Variants in DOCK4 observed in about 807,000 individuals in gnomAD.
DOCK4 encodes the protein dedicator of cytokinesis 4, also known as dedicator of cytokinesis protein 4.
Under a neutral mutation model 268.1 loss-of-function variants are expected in DOCK4, and 97 were observed. The observed-to-expected ratio is 0.36, with a 90% CI of 0.31 to 0.43. DOCK4 has a LOEUF of 0.43. DOCK4 is among the 20% of genes least tolerant of loss of function. The pLI is 1.00. For synonymous variants in DOCK4, 954 were observed against 887.2 expected (o/e 1.08, Z -1.34); for missense variants, 2,145 against 2,455.7 (o/e 0.87, Z 2.67).
At chr7:111,908,122 T>C (rs891712640) in intron 13 of DOCK4, among the ~76,000 whole-genome samples, 2 of 152,164 alleles carry the variant, frequency 1.3e-5, no homozygotes, top group African/African-American at 4.8e-5. Flanking sequence ...TTCCATCTGT[T>C]GATGTGTATT....
chr7:112,131,633 C>T (rs571697721), intron 1 of DOCK4, among the ~76,000 whole-genome samples: 2 of 152,192 alleles, frequency 1.3e-5, no homozygotes, highest in East Asian at 3.9e-4. Flanking sequence ...GTGATACATA[C>T]ATTATTTATT....
At chr7:111,834,733 G>T in intron 25 of DOCK4, 47 bp from the exon 26 acceptor site, 1 of 1,304,718 alleles carries the variant, frequency 7.7e-7, no homozygotes, top group Non-Finnish European at 1.0e-6. Flanking sequence ...TAGTAAGGAC[G>T]TAAAAGAACA....
intron 8 of DOCK4, among the ~76,000 whole-genome samples, chr7:111,958,868 A>C (rs1796643708): frequency 6.6e-6 from 1 of 152,190 alleles, no homozygotes; most frequent in Non-Finnish European, 1.5e-5. Context: ...TTGTGTATTA[A>C]TTTAGATCCT....
chr7:111,728,427 T>C lies in DOCK4; in HGVS notation c.5775A>G (p.Leu1925=). 1 of 1,584,350 alleles carries C rather than the reference T, an allele frequency of 6.3e-7. No homozygotes were observed. The highest frequency in any genetic ancestry group is 8.6e-7 in the Non-Finnish European group (1 of 1,163,658). ...TGACGGGGATGGAGAGGCTGTGAGG[T>C]AGCGGGACGGGGCGCCGCAGAGTCC... ...YERTLRRPVP[L]PHSLSIPVTS... The change falls in exon 53 of 53, where the codon CTA becomes CTG. Residue 1925 remains leucine, a synonymous_variant. Coordinates refer to ENST00000428084, the MANE Select transcript of DOCK4 (RefSeq NM_001363540.2).
At chr7:111,746,495 G>A in intron 43 of DOCK4, 78 bp from the exon 44 acceptor site, 3 of 1,134,632 alleles carry the variant, frequency 2.6e-6, no homozygotes, top group South Asian at 2.8e-5. Context: ...TAAAGACCTG[G>A]CATCTTTATG....
intron 42 of DOCK4, among the ~76,000 whole-genome samples, chr7:111,747,761 T>A (rs1796369861): frequency 6.6e-6 from 1 of 152,210 alleles, no homozygotes; most frequent in African/African-American, 2.4e-5. Context: ...AAACTAGTTT[T>A]TTTTTTCTTT....
Position 111,735,184 on chromosome 7 carries a change from C to A in DOCK4, c.5306-17G>T. 1 of 1,509,008 alleles carries A rather than the reference C, an allele frequency of 6.6e-7. No homozygotes were observed. The highest frequency in any genetic ancestry group is 9.0e-7 in the Non-Finnish European group (1 of 1,112,496). 93.5% of individuals were successfully genotyped at this position (1,509,008 alleles called of 1,614,324 possible). On this transcript the variant is annotated splice_polypyrimidine_tract_variant and intron_variant, in intron 50 of 52. Coordinates refer to ENST00000428084, the MANE Select transcript of DOCK4 (RefSeq NM_001363540.2). Reference sequence around the variant, plus strand: ...GGTTCACAGCTGGAAGGGAATAACACAGCTAAAAACACACGGTCCAGCTTT... The same window carrying A: ...GGTTCACAGCTGGAAGGGAATAACAAAGCTAAAAACACACGGTCCAGCTTT...
Position 112,043,249 on chromosome 7 carries a change from A to C in DOCK4, c.38-39118T>G, listed in dbSNP as rs536998111. 2.1e-4 allele frequency among the ~76,000 whole-genome samples: 32 copies of C among 150,804 alleles called. 1 individual carries two copies. In the South Asian group the frequency reaches 4.6e-3, roughly 22 times the overall value. ...TAAATCTCCTTTATAAAAAAAAAAAACTTAATCAATAATCTCATTATTCTC... is the reference window on the plus strand; with the variant it reads ...TAAATCTCCTTTATAAAAAAAAAAACCTTAATCAATAATCTCATTATTCTC... On this transcript the variant is annotated intron_variant, in intron 1 of 52. Transcript: ENST00000428084.
At chr7:112,204,663 G>A (rs1587058900) in intron 1 of DOCK4, among the ~76,000 whole-genome samples, 2 of 152,134 alleles carry the variant, frequency 1.3e-5, no homozygotes, top group Non-Finnish European at 2.9e-5. Flanking sequence ...GGAAGCTAAC[G>A]TGAAATGTGG....
At chr7:111,730,466 G>T (rs750079236) in intron 52 of DOCK4, among the ~76,000 whole-genome samples, 2 of 152,064 alleles carry the variant, frequency 1.3e-5, no homozygotes, top group South Asian at 2.1e-4. Context: ...ACAAAATAAC[G>T]CTGGTAGATA....
intron 13 of DOCK4, among the ~76,000 whole-genome samples, chr7:111,910,663 G>T (rs1792021826): frequency 6.6e-6 from 1 of 152,182 alleles, no homozygotes; most frequent in Non-Finnish European, 1.5e-5. Flanking sequence ...TCGCTCAAAT[G>T]ATGTTCCTAC....
intron 10 of DOCK4, among the ~76,000 whole-genome samples, chr7:111,942,761 T>C (rs1795311246): frequency 6.6e-6 from 1 of 152,198 alleles, no homozygotes; most frequent in Non-Finnish European, 1.5e-5. Context: ...AGAATTAGCT[T>C]AGACTGTGCG....
chr7:111,861,901 A>G (rs1328123890), intron 23 of DOCK4, among the ~76,000 whole-genome samples: 1 of 152,154 alleles, frequency 6.6e-6, no homozygotes, highest in Non-Finnish European at 1.5e-5. Flanking sequence ...TAATAAAGGA[A>G]TAGAAAATAG....
At chr7:111,795,294 T>C (rs1563515838) in intron 30 of DOCK4, among the ~76,000 whole-genome samples, 1 of 151,824 alleles carries the variant, frequency 6.6e-6, no homozygotes, top group Non-Finnish European at 1.5e-5. Context: ...AGGACTTCTC[T>C]AAACAAACAA....
intron 1 of DOCK4, among the ~76,000 whole-genome samples, chr7:112,175,053 C>T (rs1586977127): frequency 1.3e-5 from 2 of 149,934 alleles, no homozygotes; most frequent in African/African-American, 4.9e-5. Context: ...TTAATAGAGA[C>T]AGGGTTTCAC....
At chr7:111,751,924 A>C (rs1010606326) in intron 42 of DOCK4, among the ~76,000 whole-genome samples, 2 of 151,782 alleles carry the variant, frequency 1.3e-5, no homozygotes. Flanking sequence ...CATGCTGACT[A>C]ATTTTTTAAA....
chr7:111,856,309 G>C (rs1805008698), intron 23 of DOCK4, among the ~76,000 whole-genome samples: 3 of 152,140 alleles, frequency 2.0e-5, no homozygotes. Context: ...GTTTACATTT[G>C]TTTTCAAAAC....
At chr7:112,029,512 T>C (rs1803093597) in intron 1 of DOCK4, among the ~76,000 whole-genome samples, 1 of 152,336 alleles carries the variant, frequency 6.6e-6, no homozygotes, top group Admixed American at 6.5e-5. Flanking sequence ...AGACCAGCAA[T>C]TGGTGTTTGC....
chr7:111,983,781 A>T (rs1271913202), intron 7 of DOCK4, among the ~76,000 whole-genome samples: 1 of 151,694 alleles, frequency 6.6e-6, no homozygotes, highest in East Asian at 1.9e-4. Flanking sequence ...CAGCAGTTGA[A>T]GACTAAGGAG....
Sources: allele counts gnomAD v4.1 joint callset (sites outside exome capture counted in the v4.1 genomes callset), GRCh38; gene constraint gnomAD v4.1.1; transcripts MANE v1.5; gene names NCBI Gene and HGNC (gene_info 2026-07-23, HGNC 2026-07-21).